The following ZNF827 variants were observed in gnomAD, a reference collection of about 807,000 sequenced individuals.
ZNF827 encodes zinc finger protein 827.
In ZNF827, 13 loss-of-function variants were observed where a neutral mutation model predicts 102.4. The ratio of observed to expected loss-of-function variants is 0.13; its 90% confidence interval spans 0.08 to 0.20. The LOEUF is 0.20. Ranked by LOEUF, ZNF827 falls within the 10% of genes least tolerant of loss-of-function variation. ZNF827 has a pLI of 1.00. For synonymous variants in ZNF827, 523 were observed against 536.2 expected (o/e 0.98, Z 0.34); for missense variants, 1,103 against 1,344.4 (o/e 0.82, Z 2.81).
intron 1 of ZNF827, among the ~76,000 whole-genome samples, chr4:145,910,147 G>A (rs1752175622): frequency 6.6e-6 from 1 of 152,164 alleles, no homozygotes; most frequent in African/African-American, 2.4e-5. Flanking sequence ...CACACGGGGG[G>A]AGGGAGGGGC....
chr4:145,810,938 C>A (rs1741945203), intron 8 of ZNF827, among the ~76,000 whole-genome samples: 1 of 151,770 alleles, frequency 6.6e-6, no homozygotes, highest in Admixed American at 6.6e-5. Flanking sequence ...TGACGTCCAG[C>A]TCACAAACTA....
rs753871228 is a variant in ZNF827 at position 145,849,343 on chromosome 4, C to T, written c.2200G>A (p.Glu734Lys). The stretch of plus-strand genomic sequence containing the variant: ...ATACCTGACAGTTGAAAGAGGAGCT[C>T]GGAAGCCATTTTCACAGAGATATCC... ...SQDISVKMAS[E>K]LLFQLSEKVS... is the part of the protein sequence containing the mutation. Residue 734 changes from glutamate to lysine, a missense_variant, in exon 6 of 15, where the codon GAG (glutamate) becomes AAG (lysine). By Grantham distance (56) the Glu-to-Lys change is moderately conservative (BLOSUM62 1). Transcript: ENST00000508784. The T allele has an allele frequency of 2.5e-6, 4 of 1,613,950 alleles. No homozygotes were observed. The highest frequency in any genetic ancestry group is 1.3e-5 in the African/African-American group (1 of 74,960).
rs1479955261 is a variant in ZNF827, at chr4:145,902,172, T to A, written c.1087A>T (p.Asn363Tyr). 1 of 1,593,128 alleles carries A rather than the reference T, an allele frequency of 6.3e-7. No individual in the cohort carries two copies. Among genetic ancestry groups the A allele is most frequent in the East Asian group, 2.2e-5 (1 of 44,804 alleles). Residue 363 changes from asparagine (N) to tyrosine (Y), a missense_variant, in exon 2 of 15, where the codon AAT becomes TAT. Around this residue, in one of 5 missense-constraint regions of ZNF827, gnomAD observed 441 missense variants for 458.6 expected, o/e 0.96. Coordinates refer to ENST00000508784, the MANE Select transcript of ZNF827 (RefSeq NM_001306215.2). The surrounding 1 kb of genome is among the most constrained non-coding windows in gnomAD (Gnocchi z 4.3). ...VPKGRVSKPS[N>Y]SASEEESGKP... ...GAAAGAAAAGATGCCATACCTGAAT[T>A]GGAGGGTTTAGAAACTCTTCCCTTA...
At chr4:145,908,350 A>G (rs1752033891) in intron 1 of ZNF827, among the ~76,000 whole-genome samples, 1 of 152,210 alleles carries the variant, frequency 6.6e-6, no homozygotes, top group Admixed American at 6.5e-5. Context: ...CTGGCATAGG[A>G]TTGGAGAGAT....
chr4:145,908,453 T>G (rs1206565418), intron 1 of ZNF827, among the ~76,000 whole-genome samples: 1 of 152,226 alleles, frequency 6.6e-6, no homozygotes, highest in Non-Finnish European at 1.5e-5. Flanking sequence ...CCAACCAACC[T>G]TCTGGTTTAT....
chr4:145,783,450 G>T (rs904586361), intron 8 of ZNF827, among the ~76,000 whole-genome samples: 8 of 152,194 alleles, frequency 5.3e-5, no homozygotes, highest in African/African-American at 1.7e-4. Context: ...TAGTGGAAAT[G>T]TTTGCAGTCC....
intron 9 of ZNF827, among the ~76,000 whole-genome samples, chr4:145,778,221 C>T (rs1038780209): frequency 6.6e-6 from 1 of 152,200 alleles, no homozygotes; most frequent in East Asian, 1.9e-4. Context: ...GCAACTTCCA[C>T]CTCCTGGGTT....
intron 1 of ZNF827, among the ~76,000 whole-genome samples, chr4:145,937,026 C>G (rs994424417): frequency 6.6e-6 from 1 of 152,112 alleles, no homozygotes; most frequent in African/African-American, 2.4e-5. Flanking sequence ...CCTGCCCCCT[C>G]TTCCCTGCAT....
intron 8 of ZNF827, among the ~76,000 whole-genome samples, chr4:145,784,337 G>C (rs1738535112): frequency 6.6e-6 from 1 of 152,184 alleles, no homozygotes. Flanking sequence ...GTCCCTGTTT[G>C]TTTCAGCCAC....
intron 1 of ZNF827, among the ~76,000 whole-genome samples, chr4:145,937,706 G>T (rs1366027178): frequency 3.8e-5 from 2 of 52,268 alleles, no homozygotes; most frequent in African/African-American, 7.2e-5. Context: ...CCCCTCCTCC[G>T]CCGCCGCCTC....
chr4:145,781,002 C>T (rs142733423), intron 8 of ZNF827, among the ~76,000 whole-genome samples: 231 of 152,154 alleles, frequency 1.5e-3, no homozygotes, highest in African/African-American at 5.4e-3. Flanking sequence ...CGAGACCATC[C>T]TGGCTAACAC....
chr4:145,859,012 AAAT>A (rs1747448943), intron 5 of ZNF827, among the ~76,000 whole-genome samples: 1 of 152,210 alleles, frequency 6.6e-6, no homozygotes, highest in Non-Finnish European at 1.5e-5. Flanking sequence ...TTGCTAATAT[AAAT>A]AATAATGAAT....
chr4:145,766,005 A>G (rs890685785), intron 11 of ZNF827, among the ~76,000 whole-genome samples: 1 of 152,198 alleles, frequency 6.6e-6, no homozygotes, highest in African/African-American at 2.4e-5. Flanking sequence ...AGTAATAGCT[A>G]AGACATACTA....
chr4:145,902,444 G>C lies in ZNF827; in HGVS notation c.815C>G (p.Pro272Arg), dbSNP rs1478965932. Residue 272 changes from proline to arginine, a missense_variant, in exon 2 of 15, where the codon CCT (proline) becomes CGT (arginine). Physicochemically the swap from Pro to Arg is moderately radical, Grantham distance 103. This residue lies in a region of ZNF827 where 441 missense variants were observed against 458.6 expected (regional missense o/e 0.96). Transcript: ENST00000508784. The surrounding 1 kb of genome is among the most constrained non-coding windows in gnomAD (Gnocchi z 4.3). ...GGAAAGGAAGGAGCTGGCCGGTGGA[G>C]GGTGCTCCTGACCAGGAGTCAAACT... ...ERSLTPGQEH[P>R]PPASSFLSLA... 2 of 1,614,204 alleles carry C rather than the reference G, an allele frequency of 1.2e-6. No individual in the cohort carries two copies. The highest frequency in any genetic ancestry group is 1.1e-5 in the South Asian group (1 of 91,076).
intron 1 of ZNF827, among the ~76,000 whole-genome samples, chr4:145,919,337 C>A (rs1414871966): frequency 1.3e-5 from 2 of 152,220 alleles, no homozygotes; most frequent in African/African-American, 4.8e-5. Context: ...TAAGGGACCA[C>A]CCGTACTTGT....
rs1247983431 is a variant in ZNF827, at chr4:145,835,486, A to G, written c.2279+10470T>C. On this transcript the variant is annotated intron_variant, in intron 7 of 14. Transcript: ENST00000508784. ...TAAGCACTCCTTTTTAGTTATCCCC[A>G]CCTGCCCAGTTCCCTTATTAGGCTG... 2.7e-5 allele frequency among the ~76,000 whole-genome samples: 4 copies of G among 150,374 alleles called. No individual in the cohort carries two copies. The East Asian group carries it at 7.9e-4, about 30-fold the overall frequency.
intron 9 of ZNF827, 93 bp downstream of exon 9, chr4:145,779,281 G>A: frequency 6.8e-7 from 1 of 1,476,438 alleles, no homozygotes; most frequent in Non-Finnish European, 9.0e-7. Flanking sequence ...AGCACTTCCT[G>A]TAATGCCTCT....
chr4:145,778,670 A>G (rs949627046), intron 9 of ZNF827, among the ~76,000 whole-genome samples: 10 of 152,206 alleles, frequency 6.6e-5, no homozygotes, highest in African/African-American at 2.4e-4. Flanking sequence ...CTTGCTTTTT[A>G]AATTTTGTGT....
chr4:145,842,753 T>C (rs1020508751), intron 7 of ZNF827, among the ~76,000 whole-genome samples: 1 of 152,166 alleles, frequency 6.6e-6, no homozygotes, highest in African/African-American at 2.4e-5. Flanking sequence ...AGGCCTGCCC[T>C]TTACAAACGA....
Sources: gnomAD v4.1 joint callset for allele counts (sites outside exome capture counted in the v4.1 genomes callset) on GRCh38, gnomAD v4.1.1 for gene constraint, gnomAD v4.1.1 regional missense constraint, Gnocchi (gnomAD v3.1) non-coding constraint, MANE v1.5 for transcripts, NCBI Gene and HGNC (gene_info 2026-07-23, HGNC 2026-07-21) for gene names.